Variants in ARPC5L observed in about 807,000 individuals in gnomAD.
ARPC5L encodes actin related protein 2/3 complex subunit 5 like.
A neutral mutation model predicts 16.9 loss-of-function variants in ARPC5L; 4 were observed. That is an observed-to-expected ratio of 0.24 (90% CI 0.12 to 0.54). The LOEUF (loss-of-function observed/expected upper bound fraction) is 0.54. Ranked by LOEUF, ARPC5L falls within the 20% of genes least tolerant of loss-of-function variation. The pLI is 0.95. For missense variants in ARPC5L, 151 were observed against 201.9 expected, an observed-to-expected ratio of 0.75 and a Z score of 1.53; for synonymous variants, 78 against 82.6, an observed-to-expected ratio of 0.94 and a Z score of 0.30.
chr9:124,873,524 C>T, intron 3 of ARPC5L, 168 bp from the exon 4 acceptor site: 3 of 697,384 alleles, frequency 4.3e-6, no homozygotes, highest in Non-Finnish European at 7.5e-6. Flanking sequence ...GCCCTGCAGC[C>T]TCCCTGTGCA....
At chr9:124,873,895 G>A in intron 4 of ARPC5L, 131 bp downstream of exon 4, 1 of 1,011,876 alleles carries the variant, frequency 9.9e-7, no homozygotes, top group Non-Finnish European at 1.5e-6. Flanking sequence ...TTCCAGGGAA[G>A]CCTCCTGGCG....
chr9:124,862,237 T>G lies in ARPC5L; in HGVS notation c.-1145T>G. 2.7e-6 allele frequency: 1 copy of G among 365,168 alleles called. No individual in the cohort carries two copies. The highest frequency in any genetic ancestry group is 5.0e-6 in the Non-Finnish European group (1 of 201,594). The allele number at this position is 365,168 out of a possible 1,614,324, so 22.6% of individuals were successfully genotyped here. A position where few individuals can be genotyped will look rare whatever the true frequency, so the allele number is the denominator to read the frequency against. On this transcript the variant is annotated 5_prime_UTR_variant, in exon 1 of 6. Transcript: ENST00000353214. ...CTACCAGAGATGGCACACGGAGGAC[T>G]CAAATTCGTCCATTCAGTCATTCGT...
chr9:124,867,808 C>CTTTTTTTTTT (rs57343594), intron 2 of ARPC5L, among the ~76,000 whole-genome samples: 3 of 98,784 alleles, frequency 3.0e-5, no homozygotes, highest in African/African-American at 3.7e-5. Flanking sequence ...CTTTTCTTTT[C>CTTTTTTTTTT]TTTTTTTTTT....
rs1829466845 is a variant in ARPC5L at position 124,877,654 on chromosome 9, C to CTTA, written c.*717_*719dup. 6.6e-6 allele frequency: 1 copy of CTTA among 152,320 alleles called. No homozygotes were observed. Among genetic ancestry groups the CTTA allele is most frequent in the South Asian group, 2.1e-4 (1 of 4,832 alleles). The allele number at this position is 152,320 out of a possible 1,614,324, so 9.4% of individuals were successfully genotyped here. A position where few individuals can be genotyped will look rare whatever the true frequency, so the allele number is the denominator to read the frequency against. On this transcript the variant is annotated 3_prime_UTR_variant, in exon 6 of 6. Transcript: ENST00000353214. ...TTGCTGAATAAACTATTTATTGTTT[C>CTTA]TTATTCCTTTGATTTGTATGTAATT... is the stretch of plus-strand genomic sequence containing the variant.
chr9:124,877,531 G>C lies in ARPC5L; in HGVS notation c.*591G>C, dbSNP rs574837426. The C allele has an allele frequency of 1.3e-5, 2 of 152,778 alleles. No individual in the cohort carries two copies. The highest frequency in any genetic ancestry group is 2.9e-5 in the Non-Finnish European group (2 of 68,094). 9.5% of individuals were successfully genotyped at this position (152,778 alleles called of 1,614,324 possible). On this transcript the variant is annotated 3_prime_UTR_variant, in exon 6 of 6. Coordinates refer to ENST00000353214, the MANE Select transcript of ARPC5L (RefSeq NM_030978.3). ...GTGGAAGGAGTAGACCTGTGTCCCTGTTGAGCCACCCCTGGGAGCGAGCAT... is the reference window on the plus strand; with the variant it reads ...GTGGAAGGAGTAGACCTGTGTCCCTCTTGAGCCACCCCTGGGAGCGAGCAT...
Position 124,876,985 on chromosome 9 carries a change from C to T in ARPC5L, c.*45C>T. ...GTTACCTTGAGAAGAATTCTGGATG[C>T]CCAGGCTGGTGAAGAAGGGATTGAC... On this transcript the variant is annotated 3_prime_UTR_variant, in exon 6 of 6. Transcript: ENST00000353214. 6.6e-7 allele frequency: 1 copy of T among 1,521,568 alleles called. No individual in the cohort carries two copies. Among genetic ancestry groups the T allele is most frequent in the Non-Finnish European group, 9.0e-7 (1 of 1,111,430 alleles). The allele number at this position is 1,521,568 out of a possible 1,614,324, so 94.3% of individuals were successfully genotyped here. A position where few individuals can be genotyped will look rare whatever the true frequency, so the allele number is the denominator to read the frequency against.
chr9:124,873,842 C>T (rs1010445352), intron 4 of ARPC5L, 78 bp downstream of exon 4: 2 of 1,546,564 alleles, frequency 1.3e-6, no homozygotes, highest in African/African-American at 2.7e-5. Flanking sequence ...CGAGTGTGAG[C>T]TTTCATCCAC....
At chr9:124,872,150 G>A (rs1999589) in intron 3 of ARPC5L, among the ~76,000 whole-genome samples, 3 of 151,916 alleles carry the variant, frequency 2.0e-5, no homozygotes, top group Admixed American at 6.6e-5. Context: ...TTTTGCCCCC[G>A]TGGACTAGTT....
In ARPC5L at chr9:124,869,422, G is replaced by A; in HGVS notation, c.132G>A (p.Val44=). The A allele has an allele frequency of 6.7e-7, 1 of 1,491,582 alleles. No individual in the cohort carries two copies. The highest frequency in any genetic ancestry group is 8.9e-7 in the Non-Finnish European group (1 of 1,121,002). The allele number at this position is 1,491,582 out of a possible 1,614,324, so 92.4% of individuals were successfully genotyped here. The change falls in exon 3 of 6, where the codon GTG becomes GTA. Residue 44 remains valine, a synonymous_variant. Transcript: ENST00000353214. ...AGCCAGGCCCGGACCCGAGCGAGGT[G>A]GACGGGCTCCTGCGGCAATATCCTT... ...AAEPGPDPSE[V]DGLLRQGDML... is the part of the protein sequence containing the mutation.
In ARPC5L at chr9:124,874,956, T is replaced by C. The variant is rs1829410874; in HGVS notation, c.223-19T>C. The C allele has an allele frequency of 1.9e-6, 3 of 1,613,150 alleles. No individual in the cohort carries two copies. Among genetic ancestry groups the C allele is most frequent in the Non-Finnish European group, 2.5e-6 (3 of 1,179,856 alleles). ...TGCCTTCGCAGCTCTGGGACTCACT[T>C]GCTCTTTTTCGTCTGCAGGAGCGAG... On this transcript the variant is annotated intron_variant, in intron 4 of 5. Transcript: ENST00000353214.
At chr9:124,862,609 C>T (rs2131327594) in intron 1 of ARPC5L, among the ~76,000 whole-genome samples, 1 of 151,508 alleles carries the variant, frequency 6.6e-6, no homozygotes, top group African/African-American at 2.4e-5. Context: ...CCTCCGCCTC[C>T]CGGGTTCAGC....
At chr9:124,874,580 CCTAA>C (rs1371613744) in intron 4 of ARPC5L, among the ~76,000 whole-genome samples, 3 of 152,078 alleles carry the variant, frequency 2.0e-5, no homozygotes, top group East Asian at 1.9e-4. Flanking sequence ...TGCCTGTAGC[CCTAA>C]CTGAGGTGGG....
At chr9:124,863,894 C>T (rs1829236728) in intron 1 of ARPC5L, 94 bp from the exon 2 acceptor site, 1 of 152,370 alleles carries the variant, frequency 6.6e-6, no homozygotes, top group African/African-American at 2.4e-5. Flanking sequence ...GGAGACTTCT[C>T]CCATCTCCTA....
chr9:124,868,933 A>C lies in ARPC5L; in HGVS notation c.-358A>C. The C allele has an allele frequency of 2.1e-5, 4 of 192,750 alleles. No individual in the cohort carries two copies. The highest frequency in any genetic ancestry group is 4.2e-5 in the Non-Finnish European group (4 of 94,888). The allele number at this position is 192,750 out of a possible 1,614,324, so 11.9% of individuals were successfully genotyped here. Reference sequence around the variant, plus strand: ...CCAGGGGCTCCTCGGAGGCGCGGGAAAGCCGGGGAACCAGCGCAGTTACGG... The same window carrying C: ...CCAGGGGCTCCTCGGAGGCGCGGGACAGCCGGGGAACCAGCGCAGTTACGG... On this transcript the variant is annotated 5_prime_UTR_variant, in exon 3 of 6. Transcript: ENST00000353214.
chr9:124,865,745 A>G (rs889018289), intron 2 of ARPC5L, among the ~76,000 whole-genome samples: 1 of 150,774 alleles, frequency 6.6e-6, no homozygotes, highest in African/African-American at 2.4e-5. Flanking sequence ...GTGAGCCAAG[A>G]TTGCGCCACT....
chr9:124,869,242 G>A lies in ARPC5L; in HGVS notation c.-49G>A. 2 of 1,477,882 alleles carry A rather than the reference G, an allele frequency of 1.4e-6. No individual in the cohort carries two copies. Among genetic ancestry groups the A allele is most frequent in the South Asian group, 2.7e-5 (2 of 74,890 alleles). 91.5% of individuals were successfully genotyped at this position (1,477,882 alleles called of 1,614,324 possible). A position where few individuals can be genotyped will look rare whatever the true frequency, so the allele number is the denominator to read the frequency against. On this transcript the variant is annotated 5_prime_UTR_variant, in exon 3 of 6. Coordinates refer to ENST00000353214, the MANE Select transcript of ARPC5L (RefSeq NM_030978.3). ...GAGCCGGTGCGAGCGGAGCAGAGCC[G>A]AGGTCGGGCCGCGAGCGGAGCCGGC...
intron 2 of ARPC5L, among the ~76,000 whole-genome samples, chr9:124,867,838 T>C (rs62583382): frequency 0.048 from 7,178 of 150,864 alleles, 242 homozygotes; most frequent in Middle Eastern, 0.079. Context: ...AGACGGAGTT[T>C]TGCTCTTGTC....
chr9:124,872,235 G>C, intron 3 of ARPC5L, among the ~76,000 whole-genome samples: 1 of 152,202 alleles, frequency 6.6e-6, no homozygotes. Context: ...TGAAGAGCAA[G>C]TGAGCCTATG....
At position 124,866,768 on chromosome 9, in the gene ARPC5L, G is replaced by T. The variant is rs375161878; in HGVS notation, c.-863-1660G>T. Among the ~76,000 whole-genome samples the T allele has an allele frequency of 3.2e-3, 485 of 152,168 alleles. 3 individuals are homozygous for T. The highest frequency in any genetic ancestry group is 4.4e-3 in the Non-Finnish European group (296 of 67,992). On this transcript the variant is annotated intron_variant, in intron 2 of 5. Coordinates refer to ENST00000353214, the MANE Select transcript of ARPC5L (RefSeq NM_030978.3). Reference sequence around the variant, plus strand: ...CAGCTTGTTCCCACCATCCTCATTGGCCCCTGCCTGGTTGGGCTACCACTG... The same window carrying T: ...CAGCTTGTTCCCACCATCCTCATTGTCCCCTGCCTGGTTGGGCTACCACTG...
Sources: allele counts gnomAD v4.1 joint callset (sites outside exome capture counted in the v4.1 genomes callset), GRCh38; gene constraint gnomAD v4.1.1; transcripts MANE v1.5; gene names NCBI Gene and HGNC (gene_info 2026-07-23, HGNC 2026-07-21).